Variants in GLRB observed in about 807,000 individuals in gnomAD.
GLRB encodes the protein glycine receptor beta.
In GLRB, 33 loss-of-function variants were observed where a neutral mutation model predicts 54.2. That is an observed-to-expected ratio of 0.61 (90% CI 0.46 to 0.81). GLRB has a LOEUF of 0.81. Ranked by LOEUF, GLRB falls within the 40% of genes least tolerant of loss-of-function variation. The pLI, the probability that GLRB is intolerant of heterozygous loss-of-function variation, is 0.00. For missense variants in GLRB, 572 were observed against 584.6 expected (o/e 0.98, Z 0.22); for synonymous variants, 209 against 208.2 (o/e 1.00, Z -0.03).
intron 2 of GLRB, among the ~76,000 whole-genome samples, chr4:157,115,984 T>A (rs890105618): frequency 6.6e-6 from 1 of 151,782 alleles, no homozygotes; most frequent in African/African-American, 2.4e-5. Context: ...GCAAGAAGAT[T>A]AATACAATAT....
intron 9 of GLRB, among the ~76,000 whole-genome samples, chr4:157,168,560 C>G (rs17035818): frequency 0.082 from 12,532 of 151,986 alleles, 708 homozygotes; most frequent in African/African-American, 0.16. Context: ...ACTATGTTTC[C>G]ATTTGGGCTA....
intron 4 of GLRB, among the ~76,000 whole-genome samples, chr4:157,123,067 A>G (rs2126536368): frequency 6.6e-6 from 1 of 151,892 alleles, no homozygotes; most frequent in South Asian, 2.1e-4. Context: ...AAGTAATATT[A>G]GTAGATTTCC....
intron 4 of GLRB, among the ~76,000 whole-genome samples, chr4:157,130,339 A>G (rs925858232): frequency 1.3e-5 from 2 of 151,640 alleles, no homozygotes; most frequent in Non-Finnish European, 3.0e-5. Flanking sequence ...TGACCATCAC[A>G]AAGCTTTTGT....
Position 157,132,973 on chromosome 4 carries a change from T to C in GLRB, c.298-3496T>C, listed in dbSNP as rs139394679. ...CATTTTGTGTTGATCTCTGTATGGC[T>C]AGCACCTAATGTAGTGCTTGATTTT... On this transcript the variant is annotated intron_variant, in intron 4 of 9. Transcript: ENST00000264428. Among the ~76,000 whole-genome samples, 1,143 of 151,376 alleles carry C rather than the reference T, an allele frequency of 7.6e-3. 15 individuals are homozygous for C. Among genetic ancestry groups the C allele is most frequent in the African/African-American group, 0.027 (1,106 of 41,280 alleles).
chr4:157,118,309 C>T (rs1735680613), intron 2 of GLRB, among the ~76,000 whole-genome samples: 1 of 151,658 alleles, frequency 6.6e-6, no homozygotes, highest in African/African-American at 2.4e-5. Flanking sequence ...TCTTTTACTT[C>T]CTTTGAATGA....
chr4:157,157,285 A>T (rs1028428249), intron 9 of GLRB, among the ~76,000 whole-genome samples: 1 of 152,166 alleles, frequency 6.6e-6, no homozygotes, highest in Non-Finnish European at 1.5e-5. Context: ...ACAGTGATGG[A>T]AGTCCTCAAT....
At position 157,120,537 on chromosome 4, in the gene GLRB, A is replaced by AT. The variant is rs1735775884; in HGVS notation, c.123-14dup. On this transcript the variant is annotated intron_variant, in intron 2 of 9. Transcript: ENST00000264428. ...TTGCTATTTATAACTACTTATCAGG[A>AT]TTTTTCTCTCTCTTATAGTCAGCAG... 7.3e-7 allele frequency: 1 copy of AT among 1,367,884 alleles called. No homozygotes were observed. The allele number at this position is 1,367,884 out of a possible 1,614,324, so 84.7% of individuals were successfully genotyped here. A position where few individuals can be genotyped will look rare whatever the true frequency, so the allele number is the denominator to read the frequency against.
chr4:157,120,086 A>T (rs1432995124), intron 2 of GLRB, among the ~76,000 whole-genome samples: 1 of 151,730 alleles, frequency 6.6e-6, no homozygotes. Flanking sequence ...CTTTGTAGGG[A>T]CATGGATGAA....
At chr4:157,125,922 C>T (rs189146874) in intron 4 of GLRB, among the ~76,000 whole-genome samples, 1 of 151,884 alleles carries the variant, frequency 6.6e-6, no homozygotes, top group East Asian at 2.0e-4. Context: ...GAAGTCTTAA[C>T]ATTTAAAAAG....
chr4:157,101,002 T>C (rs1345476528), intron 2 of GLRB, among the ~76,000 whole-genome samples: 1 of 152,154 alleles, frequency 6.6e-6, no homozygotes. Flanking sequence ...AGACACTTAC[T>C]AAACATTTAT....
At chr4:157,106,698 C>T (rs1176901540) in intron 2 of GLRB, among the ~76,000 whole-genome samples, 1 of 151,910 alleles carries the variant, frequency 6.6e-6, no homozygotes, top group Non-Finnish European at 1.5e-5. Flanking sequence ...GGTTCTCAGG[C>T]TTTCAATATC....
intron 2 of GLRB, among the ~76,000 whole-genome samples, chr4:157,104,418 T>C (rs575294653): frequency 1.3e-5 from 2 of 152,272 alleles, no homozygotes; most frequent in Admixed American, 6.5e-5. Context: ...CACTTGGTCA[T>C]GGTGTATGAT....
intron 8 of GLRB, among the ~76,000 whole-genome samples, chr4:157,146,124 C>T (rs1035640053): frequency 6.6e-6 from 1 of 151,722 alleles, no homozygotes; most frequent in Admixed American, 6.6e-5. Flanking sequence ...TCAAGTGATT[C>T]TCCTGCCTCA....
intron 2 of GLRB, among the ~76,000 whole-genome samples, chr4:157,093,616 G>A (rs780757597): frequency 6.6e-6 from 1 of 151,918 alleles, no homozygotes; most frequent in South Asian, 2.1e-4. Context: ...TCAGCTAGGC[G>A]TGGTGGCACA....
At chr4:157,083,444 G>T (rs762804986) in intron 2 of GLRB, among the ~76,000 whole-genome samples, 1 of 152,092 alleles carries the variant, frequency 6.6e-6, no homozygotes. Context: ...GAGGGAGGTA[G>T]TGAAGTTCAT....
intron 2 of GLRB, among the ~76,000 whole-genome samples, chr4:157,095,047 C>A (rs1445343617): frequency 6.6e-6 from 1 of 152,126 alleles, no homozygotes; most frequent in Non-Finnish European, 1.5e-5. Flanking sequence ...AGAACTAGAA[C>A]TTTGGTCGTG....
intron 2 of GLRB, among the ~76,000 whole-genome samples, chr4:157,108,510 G>T (rs984572648): frequency 2.6e-5 from 4 of 152,068 alleles, no homozygotes; most frequent in Admixed American, 2.6e-4. Flanking sequence ...GGTGGAAATA[G>T]CAAGAAAACT....
At chr4:157,139,965 A>C in intron 7 of GLRB, among the ~76,000 whole-genome samples, 1 of 152,014 alleles carries the variant, frequency 6.6e-6, no homozygotes, top group East Asian at 1.9e-4. Flanking sequence ...CATTCCTGTT[A>C]ATATTAAGAG....
chr4:157,114,571 A>G (rs934099993), intron 2 of GLRB, among the ~76,000 whole-genome samples: 2 of 151,708 alleles, frequency 1.3e-5, no homozygotes, highest in Non-Finnish European at 2.9e-5. Flanking sequence ...TCTTTACCTT[A>G]AGTCGTTTTC....
Sources: allele counts gnomAD v4.1 joint callset (sites outside exome capture counted in the v4.1 genomes callset), GRCh38; gene constraint gnomAD v4.1.1; transcripts MANE v1.5; gene names NCBI Gene and HGNC (gene_info 2026-07-23, HGNC 2026-07-21).